Variants in PRMT8 observed in about 807,000 individuals in gnomAD.
PRMT8 encodes protein arginine N-methyltransferase 8.
A neutral mutation model predicts 47.1 loss-of-function variants in PRMT8; 7 were observed. The ratio of observed to expected loss-of-function variants is 0.15; its 90% confidence interval spans 0.08 to 0.28. The LOEUF (loss-of-function observed/expected upper bound fraction) is 0.28, where lower values mean the gene tolerates loss of function less well. PRMT8 is among the 10% of genes least tolerant of loss of function. The probability of loss-of-function intolerance (pLI) is 1.00; values close to 1 mark genes in which losing one functional copy is unlikely to be tolerated. For missense variants in PRMT8, 237 were observed against 505.4 expected (o/e 0.47, Z 5.09); for synonymous variants, 188 against 186.5 (o/e 1.01, Z -0.07).
chr12:3,558,876 A>T (rs374974884), intron 4 of PRMT8, among the ~76,000 whole-genome samples: 1 of 152,158 alleles, frequency 6.6e-6, no homozygotes, highest in African/African-American at 2.4e-5. Context: ...CTTTGTAATT[A>T]GTAAGATTTT....
At chr12:3,568,163 A>G (rs1866762508) in intron 4 of PRMT8, among the ~76,000 whole-genome samples, 1 of 152,194 alleles carries the variant, frequency 6.6e-6, no homozygotes, top group Non-Finnish European at 1.5e-5. Context: ...GAAATTGTTA[A>G]GAAAATCCTA....
chr12:3,399,137 T>G (rs1262462895), intron 1 of PRMT8, among the ~76,000 whole-genome samples: 1 of 152,210 alleles, frequency 6.6e-6, no homozygotes, highest in East Asian at 1.9e-4. Flanking sequence ...ATACTTCTGT[T>G]GCTTCATTGT....
chr12:3,385,663 C>T (rs764264212), intron 1 of PRMT8, among the ~76,000 whole-genome samples: 1 of 152,208 alleles, frequency 6.6e-6, no homozygotes, highest in Non-Finnish European at 1.5e-5. Flanking sequence ...TAAAATATGG[C>T]AACGAGTATA....
intron 1 of PRMT8, among the ~76,000 whole-genome samples, chr12:3,390,799 C>G (rs1453932015): frequency 6.6e-6 from 1 of 152,146 alleles, no homozygotes; most frequent in African/African-American, 2.4e-5. Flanking sequence ...TTTTGCTGTT[C>G]GTTAGATTAT....
At chr12:3,574,329 G>C (rs1866901678) in intron 6 of PRMT8, among the ~76,000 whole-genome samples, 1 of 152,226 alleles carries the variant, frequency 6.6e-6, no homozygotes, top group Non-Finnish European at 1.5e-5. Flanking sequence ...GTTTCCAAAT[G>C]GTTGGAATTG....
At chr12:3,472,334 A>G (rs1865169598) in intron 1 of PRMT8, among the ~76,000 whole-genome samples, 1 of 152,186 alleles carries the variant, frequency 6.6e-6, no homozygotes, top group South Asian at 2.1e-4. Flanking sequence ...TGGTATTGTG[A>G]GCATAGTAAA....
chr12:3,519,539 G>T (rs1413955080), intron 1 of PRMT8, among the ~76,000 whole-genome samples: 4 of 152,206 alleles, frequency 2.6e-5, no homozygotes, highest in Non-Finnish European at 5.9e-5. Flanking sequence ...GGAACAGTGG[G>T]TTGCCTATGG....
intron 4 of PRMT8, among the ~76,000 whole-genome samples, chr12:3,556,624 A>C (rs1420013213): frequency 4.6e-5 from 7 of 152,200 alleles, no homozygotes; most frequent in Admixed American, 3.9e-4. Context: ...GAATAGAAAA[A>C]TGGAACAGTA....
At chr12:3,590,943 T>TG in intron 8 of PRMT8, among the ~76,000 whole-genome samples, 1 of 152,058 alleles carries the variant, frequency 6.6e-6, no homozygotes, top group East Asian at 1.9e-4. Context: ...CAAACGGGGA[T>TG]GGGGGGAAGG....
chr12:3,441,775 C>T (rs542687036), intron 1 of PRMT8, among the ~76,000 whole-genome samples: 1 of 152,362 alleles, frequency 6.6e-6, no homozygotes, highest in African/African-American at 2.4e-5. Flanking sequence ...AAATGTTTAG[C>T]TTTGGGTGAC....
rs369632136 is a variant in PRMT8, at chr12:3,552,659, C to T, written c.418-992C>T. 1 of 449,878 alleles carries T rather than the reference C, an allele frequency of 2.2e-6. No individual in the cohort carries two copies. The highest frequency in any genetic ancestry group is 4.5e-6 in the Non-Finnish European group (1 of 222,708). The allele number at this position is 449,878 out of a possible 1,614,324, so 27.9% of individuals were successfully genotyped here. On this transcript the variant is annotated intron_variant, in intron 3 of 9. Transcript: ENST00000382622. This position sits in a 1 kb window ranked among gnomAD's most constrained non-coding sequence, Gnocchi z 4.5. The stretch of plus-strand genomic sequence containing the variant: ...CCTGCACCCTGGCTGGAGTCGGCCT[C>T]CTTGGATGCAGCTCTAACCAAGTGA...
chr12:3,439,480 C>T (rs1864776811), intron 1 of PRMT8, among the ~76,000 whole-genome samples: 1 of 152,130 alleles, frequency 6.6e-6, no homozygotes, highest in Admixed American at 6.5e-5. Context: ...ACTAAACAAA[C>T]GTATTTTTAA....
intron 4 of PRMT8, among the ~76,000 whole-genome samples, chr12:3,565,558 T>A (rs1307658471): frequency 6.6e-6 from 1 of 152,130 alleles, no homozygotes; most frequent in Non-Finnish European, 1.5e-5. Flanking sequence ...AGAAGGGTGA[T>A]GTTAAGAGAA....
intron 1 of PRMT8, among the ~76,000 whole-genome samples, chr12:3,534,285 AT>A (rs1866082374): frequency 6.6e-6 from 1 of 152,228 alleles, no homozygotes; most frequent in Admixed American, 6.5e-5. Flanking sequence ...CAGGGAAATC[AT>A]TTTAAAGCTT....
intron 1 of PRMT8, among the ~76,000 whole-genome samples, chr12:3,441,691 G>C (rs1212281537): frequency 3.3e-5 from 5 of 152,252 alleles, no homozygotes; most frequent in African/African-American, 1.2e-4. Flanking sequence ...TGACGCAGCA[G>C]ATGGTTCCAT....
At chr12:3,578,031 C>T (rs939235390) in intron 7 of PRMT8, among the ~76,000 whole-genome samples, 2 of 152,142 alleles carry the variant, frequency 1.3e-5, no homozygotes, top group African/African-American at 4.8e-5. Context: ...ATTATATATG[C>T]TAATATATTA....
At chr12:3,468,362 C>A (rs1865125060) in intron 1 of PRMT8, among the ~76,000 whole-genome samples, 1 of 152,198 alleles carries the variant, frequency 6.6e-6, no homozygotes. Flanking sequence ...GCGATGTGCA[C>A]AGAGACCTTG....
intron 1 of PRMT8, among the ~76,000 whole-genome samples, chr12:3,455,871 C>A (rs923812610): frequency 4.6e-5 from 7 of 152,184 alleles, no homozygotes; most frequent in Non-Finnish European, 1.0e-4. Context: ...CCCTACCACA[C>A]CCCTCAGTGA....
At chr12:3,401,800 A>G (rs186578195) in intron 1 of PRMT8, among the ~76,000 whole-genome samples, 1 of 152,322 alleles carries the variant, frequency 6.6e-6, no homozygotes, top group Admixed American at 6.5e-5. Context: ...TTCAAGGAGA[A>G]CTACAAACCG....
Sources: allele counts gnomAD v4.1 joint callset (sites outside exome capture counted in the v4.1 genomes callset), GRCh38; gene constraint gnomAD v4.1.1; non-coding constraint Gnocchi (gnomAD v3.1); transcripts MANE v1.5; gene names NCBI Gene and HGNC (gene_info 2026-07-23, HGNC 2026-07-21).